EHMT1: variants seen among roughly 807,000 people sequenced by gnomAD.
EHMT1 encodes histone-lysine N-methyltransferase EHMT1.
A neutral mutation model predicts 147.2 loss-of-function variants in EHMT1; 15 were observed. The observed-to-expected ratio is 0.10, with a 90% CI of 0.07 to 0.16. The LOEUF is 0.16. Among genes scored for constraint, EHMT1 ranks in the 10% least tolerant of loss-of-function variants. EHMT1 has a pLI of 1.00. For missense variants in EHMT1, 1,587 were observed against 1,772.4 expected, an observed-to-expected ratio of 0.90 and a Z score of 1.88; for synonymous variants, 795 against 709.6, an observed-to-expected ratio of 1.12 and a Z score of -1.91.
chr9:137,699,850 A>G (rs941220224), intron 1 of EHMT1, among the ~76,000 whole-genome samples: 1 of 152,238 alleles, frequency 6.6e-6, no homozygotes, highest in Non-Finnish European at 1.5e-5. Context: ...CCCTGTTTCT[A>G]AAAATGAATG....
chr9:137,743,139 GGAACAGAT>G (rs1456362654), intron 4 of EHMT1: 3 of 515,228 alleles, frequency 5.8e-6, no homozygotes, highest in Non-Finnish European at 1.0e-5. Flanking sequence ...TGTTGTGAAT[GGAACAGAT>G]GAACAGATGA....
At chr9:137,810,138 G>GCCGCCC (rs1243925730) in intron 18 of EHMT1, among the ~76,000 whole-genome samples, 4 of 146,008 alleles carry the variant, frequency 2.7e-5, no homozygotes, top group African/African-American at 1.0e-4. Flanking sequence ...CGGTTCCGAT[G>GCCGCCC]CTGCCCCTCG....
chr9:137,821,381 G>A (rs1296008297), intron 25 of EHMT1, among the ~76,000 whole-genome samples: 1 of 144,106 alleles, frequency 6.9e-6, no homozygotes, highest in African/African-American at 2.6e-5. Flanking sequence ...AGGCTGGAGT[G>A]CAGTGGCATA....
intron 1 of EHMT1, among the ~76,000 whole-genome samples, chr9:137,692,888 G>A (rs112545667): frequency 1.3e-5 from 2 of 152,050 alleles, no homozygotes; most frequent in African/African-American, 4.8e-5. Context: ...GAACACGTGC[G>A]GGCAGTGGTA....
chr9:137,754,111 C>T (rs1197297282), intron 7 of EHMT1, 60 bp from the exon 8 acceptor site: 4 of 1,612,612 alleles, frequency 2.5e-6, no homozygotes, highest in African/African-American at 2.7e-5. Context: ...TTGTAGTGCT[C>T]TTGCCTTCCG....
At chr9:137,619,250 CGCCGGGCGCGCTTTGTGCGCGGCGCGG>C in intron 1 of EHMT1, among the ~76,000 whole-genome samples, 1 of 142,926 alleles carries the variant, frequency 7.0e-6, no homozygotes, top group African/African-American at 2.5e-5. Context: ...CCCGCGCTCC[CGCCGGGCGCGCTTTGTGCGCGGCGCGG>C]GCCGGGCGGC....
chr9:137,625,043 C>T (rs899498389), intron 1 of EHMT1, among the ~76,000 whole-genome samples: 7 of 151,752 alleles, frequency 4.6e-5, no homozygotes, highest in South Asian at 2.1e-4. Context: ...CACCCCGCCC[C>T]GCTAATTTTT....
At chr9:137,816,895 C>CA (rs1954961957) in intron 23 of EHMT1, 2 of 205,272 alleles carry the variant, frequency 9.7e-6, no homozygotes, top group Non-Finnish European at 2.0e-5. Flanking sequence ...GAGGGCTCCT[C>CA]AGAGGCCCAC....
intron 2 of EHMT1, 63 bp from the exon 3 acceptor site, chr9:137,716,563 G>A (rs1945320242): frequency 6.7e-7 from 1 of 1,482,068 alleles, no homozygotes; most frequent in African/African-American, 1.4e-5. Context: ...AGGAAGTGGT[G>A]GTGGTGGTGG....
At chr9:137,711,796 G>T (rs192922828) in intron 2 of EHMT1, among the ~76,000 whole-genome samples, 2 of 152,308 alleles carry the variant, frequency 1.3e-5, no homozygotes, top group Admixed American at 1.3e-4. Flanking sequence ...TGAAGGGAGA[G>T]TGGTGTTCTG....
At chr9:137,715,872 C>G (rs948272710) in intron 2 of EHMT1, 2 of 980,544 alleles carry the variant, frequency 2.0e-6, no homozygotes, top group African/African-American at 3.5e-5. Context: ...AGCAGTGATT[C>G]CCCAAACTTA....
chr9:137,667,237 T>C (rs976968190), intron 1 of EHMT1: 1 of 152,236 alleles, frequency 6.6e-6, no homozygotes, highest in Admixed American at 6.5e-5. Flanking sequence ...GGTATGCAAA[T>C]GTGCTGATGC....
rs185726999 is a variant in EHMT1 at position 137,729,383 on chromosome 9, T to G, written c.823+854T>G. ...GCGGGTGGATCACGAGATCAGGAGA[T>G]CGAGACCATCCTGGCTAACACGGTG... is the stretch of plus-strand genomic sequence containing the variant. On this transcript the variant is annotated intron_variant, in intron 4 of 26. Coordinates refer to ENST00000460843, the MANE Select transcript of EHMT1 (RefSeq NM_024757.5). 7.2e-5 allele frequency among the ~76,000 whole-genome samples: 11 copies of G among 152,118 alleles called. No homozygotes were observed. In the South Asian group the frequency reaches 2.1e-3, roughly 29 times the overall value.
At chr9:137,829,105 G>A (rs60972653) in intron 25 of EHMT1, among the ~76,000 whole-genome samples, 1 of 152,098 alleles carries the variant, frequency 6.6e-6, no homozygotes, top group Non-Finnish European at 1.5e-5. Flanking sequence ...ACTGGAGCTC[G>A]TGCCGTGCGC....
At chr9:137,699,606 C>T (rs1039619316) in intron 1 of EHMT1, among the ~76,000 whole-genome samples, 7 of 150,894 alleles carry the variant, frequency 4.6e-5, no homozygotes, top group South Asian at 2.1e-4. Context: ...GCCCAGGAGG[C>T]GGAGGTTATA....
intron 4 of EHMT1, 193 bp downstream of exon 4, chr9:137,728,722 C>A: frequency 1.5e-6 from 1 of 671,318 alleles, no homozygotes; most frequent in Non-Finnish European, 2.6e-6. Context: ...AGCCTTGTCT[C>A]ATGCCAGCAT....
intron 1 of EHMT1, among the ~76,000 whole-genome samples, chr9:137,631,519 T>C (rs894402745): frequency 6.6e-6 from 1 of 152,224 alleles, no homozygotes; most frequent in Non-Finnish European, 1.5e-5. Context: ...GAATATACAG[T>C]CATGTGGCAC....
rs1953442789 is a variant in EHMT1, at chr9:137,801,089, G to A, written c.2712+105G>A. 1.0e-5 allele frequency: 10 copies of A among 976,890 alleles called. No individual in the cohort carries two copies. The South Asian group carries it at 1.1e-4, about 11-fold the overall frequency. 60.5% of individuals were successfully genotyped at this position (976,890 alleles called of 1,614,324 possible). On this transcript the variant is annotated intron_variant, in intron 18 of 26. Coordinates refer to ENST00000460843, the MANE Select transcript of EHMT1 (RefSeq NM_024757.5). ...AGCAGAACCCTGGCACCTGGTGGCG[G>A]CTTTGACCTCTTCCTGTGGCAGCAT...
intron 3 of EHMT1, 173 bp downstream of exon 3, chr9:137,717,355 C>G: frequency 1.2e-6 from 1 of 862,174 alleles, no homozygotes; most frequent in Non-Finnish European, 1.8e-6. Context: ...GTTATCGCAG[C>G]ACTTTGGGAG....
Sources: gnomAD v4.1 joint callset for allele counts (sites outside exome capture counted in the v4.1 genomes callset) on GRCh38, gnomAD v4.1.1 for gene constraint, MANE v1.5 for transcripts, NCBI Gene and HGNC (gene_info 2026-07-23, HGNC 2026-07-21) for gene names.